The following CACNA1E variants were observed in gnomAD, a reference collection of about 807,000 sequenced individuals.
CACNA1E encodes the protein calcium voltage-gated channel subunit alpha1 E.
A neutral mutation model predicts 259.2 loss-of-function variants in CACNA1E; 40 were observed. That is an observed-to-expected ratio of 0.15 (90% confidence interval 0.12 to 0.20). CACNA1E has a LOEUF of 0.20. Among genes scored for constraint, CACNA1E ranks in the 10% least tolerant of loss-of-function variants. The probability of loss-of-function intolerance (pLI) is 1.00; values close to 1 mark genes in which losing one functional copy is unlikely to be tolerated. For missense variants in CACNA1E, 1,874 were observed against 3,040.1 expected, an observed-to-expected ratio of 0.62 and a Z score of 9.02; for synonymous variants, 1,104 against 1,138.5, an observed-to-expected ratio of 0.97 and a Z score of 0.61.
intron 6 of CACNA1E, among the ~76,000 whole-genome samples, chr1:181,584,938 T>C (rs371146118): frequency 9.8e-5 from 15 of 152,342 alleles, no homozygotes; most frequent in Middle Eastern, 3.4e-3. Context: ...TTGTGACTGG[T>C]ATTGTAGATA....
chr1:181,623,800 G>T (rs964929427), intron 6 of CACNA1E, among the ~76,000 whole-genome samples: 1 of 152,202 alleles, frequency 6.6e-6, no homozygotes, highest in East Asian at 1.9e-4. Context: ...TTAATCTTTA[G>T]CTAGTGGAGG....
rs181568869 is a variant in CACNA1E, at chr1:181,701,402, A to G, written c.1056-9552A>G. Among the ~76,000 whole-genome samples, 5 of 138,144 alleles carry G rather than the reference A, an allele frequency of 3.6e-5. No individual in the cohort carries two copies. The East Asian group carries it at 1.1e-3, about 31-fold the overall frequency. 90.6% of individuals were successfully genotyped at this position (138,144 alleles called of 152,430 possible). A position where few individuals can be genotyped will look rare whatever the true frequency, so the allele number is the denominator to read the frequency against. On this transcript the variant is annotated intron_variant, in intron 7 of 47. Transcript: ENST00000367573. The stretch of plus-strand genomic sequence containing the variant: ...GGGGTGTAGATGGAGGAGAAAGAAG[A>G]ATATGAAATGCTCTTACTTCCCTGT...
Position 181,485,933 on chromosome 1 carries a change from C to T in CACNA1E, c.266+1923C>T, listed in dbSNP as rs1232428737. On this transcript the variant is annotated intron_variant, in intron 1 of 47. Coordinates refer to ENST00000367573, the MANE Select transcript of CACNA1E (RefSeq NM_001205293.3). This position sits in a 1 kb window ranked among gnomAD's most constrained non-coding sequence, Gnocchi z 4.2. ...CCATCGTTGGCACCTCGGACAGCGC[C>T]GCTGAAACTCCCGGCGGCCCGGGGC... Among the ~76,000 whole-genome samples the T allele has an allele frequency of 2.6e-5, 4 of 152,240 alleles. No individual in the cohort carries two copies. The highest frequency in any genetic ancestry group is 5.9e-5 in the Non-Finnish European group (4 of 68,042).
intron 6 of CACNA1E, among the ~76,000 whole-genome samples, chr1:181,603,192 T>C (rs1359229796): frequency 6.6e-6 from 1 of 152,180 alleles, no homozygotes; most frequent in Non-Finnish European, 1.5e-5. Flanking sequence ...TAGCAAACAT[T>C]CACAGAGCAC....
At chr1:181,745,395 C>A in intron 25 of CACNA1E, 1 of 487,176 alleles carries the variant, frequency 2.1e-6, no homozygotes, top group South Asian at 1.5e-5. Context: ...GGATCTCAGC[C>A]CGTGGCCACA....
At chr1:181,473,166 A>AC (rs1662624333) in intron 2 of CACNA1E, among the ~76,000 whole-genome samples, 2 of 152,158 alleles carry the variant, frequency 1.3e-5, no homozygotes, top group South Asian at 4.2e-4. Flanking sequence ...CTATGACTGA[A>AC]CAACTATCCT....
chr1:181,508,473 A>G (rs16857478), intron 1 of CACNA1E, among the ~76,000 whole-genome samples: 2,107 of 152,266 alleles, frequency 0.014, 46 homozygotes, highest in African/African-American at 0.047. Context: ...CTGGGTTCCC[A>G]TCTTTAATTT....
chr1:181,450,268 T>G (rs1661067626), intron 2 of CACNA1E, among the ~76,000 whole-genome samples: 1 of 152,194 alleles, frequency 6.6e-6, no homozygotes, highest in Admixed American at 6.5e-5. Flanking sequence ...GGGATTACAA[T>G]TCAATATGAG....
intron 2 of CACNA1E, among the ~76,000 whole-genome samples, chr1:181,510,983 C>G (rs112813713): frequency 6.6e-6 from 1 of 152,226 alleles, no homozygotes; most frequent in Admixed American, 6.5e-5. Context: ...ACACATCTAA[C>G]GTATTCCCCC....
At chr1:181,562,886 G>A (rs1040370237) in intron 3 of CACNA1E, among the ~76,000 whole-genome samples, 4 of 152,216 alleles carry the variant, frequency 2.6e-5, no homozygotes, top group Non-Finnish European at 5.9e-5. Flanking sequence ...CTTACTTCAT[G>A]CTTGCATAGC....
chr1:181,667,842 CTT>C (rs796531775), intron 7 of CACNA1E, among the ~76,000 whole-genome samples: 2 of 144,478 alleles, frequency 1.4e-5, no homozygotes, highest in Admixed American at 6.9e-5. Context: ...ACGTGTCTGT[CTT>C]TTTTTTTTTT....
At chr1:181,376,257 T>G (rs1340040456) in intron 1 of CACNA1E, among the ~76,000 whole-genome samples, 1 of 152,210 alleles carries the variant, frequency 6.6e-6, no homozygotes, top group African/African-American at 2.4e-5. Flanking sequence ...CTATGTGGAT[T>G]CCTCCTTTTT....
At chr1:181,791,890 G>A (rs1403212622) in intron 44 of CACNA1E, among the ~76,000 whole-genome samples, 1 of 152,184 alleles carries the variant, frequency 6.6e-6, no homozygotes, top group African/African-American at 2.4e-5. Flanking sequence ...CCCCCACAGA[G>A]GGCGAAAAAC....
chr1:181,637,975 CT>C (rs1263827861), intron 6 of CACNA1E, among the ~76,000 whole-genome samples: 2 of 152,248 alleles, frequency 1.3e-5, no homozygotes, highest in East Asian at 3.9e-4. Context: ...TAGGCAGATG[CT>C]GTGAGAGACA....
At chr1:181,620,637 G>A (rs1166052760) in intron 6 of CACNA1E, among the ~76,000 whole-genome samples, 1 of 152,188 alleles carries the variant, frequency 6.6e-6, no homozygotes, top group Non-Finnish European at 1.5e-5. Context: ...GTGCAAAGAA[G>A]TAGAAGACTT....
intron 6 of CACNA1E, among the ~76,000 whole-genome samples, chr1:181,587,170 A>G (rs564409567): frequency 1.1e-4 from 16 of 152,288 alleles, no homozygotes; most frequent in Admixed American, 2.6e-4. Context: ...TATTGCTTCT[A>G]TTTTCTCAAT....
intron 8 of CACNA1E, among the ~76,000 whole-genome samples, chr1:181,712,322 A>G (rs908675984): frequency 1.3e-5 from 2 of 152,252 alleles, no homozygotes; most frequent in Non-Finnish European, 2.9e-5. Context: ...TTCTTAAATA[A>G]AAACTACACG....
intron 35 of CACNA1E, among the ~76,000 whole-genome samples, chr1:181,767,159 G>T (rs922108221): frequency 6.6e-6 from 1 of 152,132 alleles, no homozygotes; most frequent in Non-Finnish European, 1.5e-5. Context: ...CTGGCAGCCC[G>T]TTCATTCCTA....
At chr1:181,733,389 T>G in intron 20 of CACNA1E, 48 bp from the exon 21 acceptor site, 1 of 1,441,306 alleles carries the variant, frequency 6.9e-7, no homozygotes, top group Non-Finnish European at 9.3e-7. Flanking sequence ...CACCTGCCAT[T>G]TGGGGACAGC....
Sources: gnomAD v4.1 joint callset for allele counts (sites outside exome capture counted in the v4.1 genomes callset) on GRCh38, gnomAD v4.1.1 for gene constraint, Gnocchi (gnomAD v3.1) non-coding constraint, MANE v1.5 for transcripts, NCBI Gene and HGNC (gene_info 2026-07-23, HGNC 2026-07-21) for gene names.